ALK: variants seen among roughly 807,000 people sequenced by gnomAD.
The protein encoded by ALK is ALK receptor tyrosine kinase.
Under a neutral mutation model 163.1 loss-of-function variants are expected in ALK, and 74 were observed. The observed-to-expected ratio is 0.45, with a 90% confidence interval of 0.38 to 0.55. ALK has a LOEUF of 0.55. Among genes scored for constraint, ALK ranks in the 20% least tolerant of loss-of-function variants. The pLI, the probability that ALK is intolerant of heterozygous loss-of-function variation, is 0.00. For synonymous variants in ALK, 960 were observed against 843.2 expected (o/e 1.14, Z -2.40); for missense variants, 2,063 against 2,105.3 (o/e 0.98, Z 0.39).
chr2:29,267,675 G>A (rs559805042), intron 11 of ALK, among the ~76,000 whole-genome samples: 1 of 152,278 alleles, frequency 6.6e-6, no homozygotes, highest in Non-Finnish European at 1.5e-5. Flanking sequence ...TCAAGAGTTA[G>A]CATTTTAACC....
At position 29,874,300 on chromosome 2, in the gene ALK, C is replaced by T. The variant is rs75648392; in HGVS notation, c.667+45693G>A. On this transcript the variant is annotated intron_variant, in intron 1 of 28. Coordinates refer to ENST00000389048, the MANE Select transcript of ALK (RefSeq NM_004304.5). ...GATGACTGTCAACTCAAGCCCAGTA[C>T]GAAAAGTGCTGTGTTCGTGTGACAA... Among the ~76,000 whole-genome samples, 941 of 142,282 alleles carry T rather than the reference C, an allele frequency of 6.6e-3. 7 individuals are homozygous for T. Among genetic ancestry groups the T allele is most frequent in the African/African-American group, 0.016 (633 of 39,268 alleles). The allele number at this position is 142,282 out of a possible 152,430, so 93.3% of individuals were successfully genotyped here.
chr2:29,283,984 G>A (rs1037810998), intron 9 of ALK, among the ~76,000 whole-genome samples: 6 of 152,180 alleles, frequency 3.9e-5, no homozygotes, highest in Non-Finnish European at 7.3e-5. Flanking sequence ...TGTGATTCAC[G>A]TTATTTACTG....
chr2:29,681,830 G>C (rs17008468), intron 3 of ALK, among the ~76,000 whole-genome samples: 1,947 of 150,968 alleles, frequency 0.013, 36 homozygotes, highest in African/African-American at 0.045. Flanking sequence ...GAAGGACACT[G>C]AGTTTTCATC....
chr2:29,916,579 C>T (rs1667840372), intron 1 of ALK, among the ~76,000 whole-genome samples: 1 of 152,220 alleles, frequency 6.6e-6, no homozygotes, highest in Non-Finnish European at 1.5e-5. Context: ...TGGGAAGGGA[C>T]TGACAGATAT....
At chr2:29,289,217 C>A (rs1047178767) in intron 9 of ALK, among the ~76,000 whole-genome samples, 1 of 152,156 alleles carries the variant, frequency 6.6e-6, no homozygotes, top group Non-Finnish European at 1.5e-5. Context: ...CCAAGAGGCA[C>A]AGGCCATGGG....
chr2:29,225,230 C>A (rs1317131872), intron 19 of ALK, among the ~76,000 whole-genome samples: 1 of 152,098 alleles, frequency 6.6e-6, no homozygotes, highest in Non-Finnish European at 1.5e-5. Flanking sequence ...AGGATACACA[C>A]GGGGCTGAGG....
intron 4 of ALK, among the ~76,000 whole-genome samples, chr2:29,408,637 T>C (rs891003924): frequency 6.6e-6 from 1 of 152,272 alleles, no homozygotes; most frequent in Non-Finnish European, 1.5e-5. Flanking sequence ...GTACTCTGAT[T>C]TGAGAAATAC....
At chr2:29,270,149 A>T (rs927678590) in intron 11 of ALK, among the ~76,000 whole-genome samples, 16 of 152,338 alleles carry the variant, frequency 1.1e-4, no homozygotes, top group African/African-American at 3.8e-4. Context: ...TGAAAGAGAG[A>T]TCCCTCTCGA....
intron 1 of ALK, among the ~76,000 whole-genome samples, chr2:29,830,749 A>ACTTAGCC (rs1665350819): frequency 9.3e-6 from 1 of 106,952 alleles, no homozygotes; most frequent in Non-Finnish European, 1.9e-5. Flanking sequence ...AAAAAAAAAA[A>ACTTAGCC]AAAACTTAGC....
intron 28 of ALK, among the ~76,000 whole-genome samples, chr2:29,194,447 G>A (rs1668973487): frequency 6.6e-6 from 1 of 152,064 alleles, no homozygotes. Flanking sequence ...CTTTACACTT[G>A]ATTGTAAGTT....
intron 12 of ALK, 32 bp downstream of exon 12, chr2:29,251,073 C>A (rs767783412): frequency 1.2e-6 from 2 of 1,608,202 alleles, no homozygotes; most frequent in Non-Finnish European, 1.7e-6. Flanking sequence ...AAGGGGTGGT[C>A]TGCCCCTCCC....
intron 4 of ALK, among the ~76,000 whole-genome samples, chr2:29,483,330 T>C (rs1053648305): frequency 3.9e-5 from 6 of 152,362 alleles, no homozygotes; most frequent in Non-Finnish European, 5.9e-5. Context: ...TCTCTGGGGA[T>C]AGGACACAGG....
At chr2:29,769,393 C>T (rs751429204) in intron 1 of ALK, among the ~76,000 whole-genome samples, 1 of 152,064 alleles carries the variant, frequency 6.6e-6, no homozygotes, top group Non-Finnish European at 1.5e-5. Flanking sequence ...GGAAAGCTCA[C>T]GATTACAGCC....
chr2:29,596,998 T>G (rs1675234560), intron 3 of ALK, among the ~76,000 whole-genome samples: 1 of 152,240 alleles, frequency 6.6e-6, no homozygotes, highest in Non-Finnish European at 1.5e-5. Flanking sequence ...TAGTCTCGGC[T>G]GCTGGGTCTT....
intron 3 of ALK, among the ~76,000 whole-genome samples, chr2:29,586,284 G>A (rs1049130013): frequency 6.6e-6 from 1 of 150,656 alleles, no homozygotes; most frequent in Non-Finnish European, 1.5e-5. Context: ...TATTAAATAC[G>A]ATGACTATTT....
rs191690021 is a variant in ALK at position 29,735,381 on chromosome 2, T to G, written c.668-17684A>C. On this transcript the variant is annotated intron_variant, in intron 1 of 28. Transcript: ENST00000389048. ...GTGAACAATCACAGCCTTCAGTGAT[T>G]TTATAATAATAAATGCTATCTTAGT... Among the ~76,000 whole-genome samples, 951 of 152,236 alleles carry G rather than the reference T, an allele frequency of 6.2e-3. 6 individuals carry two copies. The highest frequency in any genetic ancestry group is 0.014 in the South Asian group (68 of 4,832).
At chr2:29,539,980 C>T (rs6744581) in intron 3 of ALK, among the ~76,000 whole-genome samples, 8,569 of 152,084 alleles carry the variant, frequency 0.056, 480 homozygotes, top group African/African-American at 0.16. Context: ...TAGTTATTTA[C>T]GCAAGTTCAG....
chr2:29,207,440 T>G (rs2148152631), intron 25 of ALK, among the ~76,000 whole-genome samples, 168 bp from the exon 26 acceptor site: 1 of 152,304 alleles, frequency 6.6e-6, no homozygotes, highest in Non-Finnish European at 1.5e-5. Context: ...CACAGATCAT[T>G]TAGTTAAGAA....
chr2:29,304,828 G>A (rs1666460948), intron 8 of ALK, among the ~76,000 whole-genome samples: 1 of 152,186 alleles, frequency 6.6e-6, no homozygotes, highest in African/African-American at 2.4e-5. Flanking sequence ...GCCTCAAAAG[G>A]GGATTATGAA....
Sources: gnomAD v4.1 joint callset for allele counts (sites outside exome capture counted in the v4.1 genomes callset) on GRCh38, gnomAD v4.1.1 for gene constraint, MANE v1.5 for transcripts, NCBI Gene and HGNC (gene_info 2026-07-23, HGNC 2026-07-21) for gene names.